Variants in ZNF131 observed in about 807,000 individuals in gnomAD.
ZNF131 encodes the protein zinc finger protein 131.
ZNF131 carries 7 observed loss-of-function variants against 60.0 expected under a neutral mutation model. The observed-to-expected ratio is 0.12, with a 90% CI of 0.07 to 0.22. The LOEUF is 0.22. ZNF131 is among the 10% of genes least tolerant of loss of function. The pLI is 1.00. For missense variants in ZNF131, 493 were observed against 740.9 expected (o/e 0.67, Z 3.88); for synonymous variants, 257 against 253.2 (o/e 1.01, Z -0.14).
chr5:43,146,915 A>G (rs962113190), intron 4 of ZNF131, among the ~76,000 whole-genome samples: 5 of 152,084 alleles, frequency 3.3e-5, no homozygotes, highest in Non-Finnish European at 5.9e-5. Flanking sequence ...ATATATATAT[A>G]TATGTATATA....
chr5:43,136,220 C>T (rs548136816), intron 3 of ZNF131, among the ~76,000 whole-genome samples: 8 of 152,302 alleles, frequency 5.3e-5, no homozygotes, highest in African/African-American at 1.9e-4. Flanking sequence ...ATTTGGGATG[C>T]TCAACCTGTG....
chr5:43,149,297 A>G (rs928239938), intron 4 of ZNF131, among the ~76,000 whole-genome samples: 1 of 151,798 alleles, frequency 6.6e-6, no homozygotes, highest in Admixed American at 6.6e-5. Context: ...GCTCACGCCT[A>G]TAATCTTGGC....
At chr5:43,144,263 T>G (rs1180588016) in intron 4 of ZNF131, among the ~76,000 whole-genome samples, 1 of 103,468 alleles carries the variant, frequency 9.7e-6, no homozygotes, top group East Asian at 2.3e-4. Flanking sequence ...TTTTTTTTTT[T>G]TTTTGGAGAC....
chr5:43,149,617 CTT>C (rs1014937210), intron 4 of ZNF131, among the ~76,000 whole-genome samples: 9 of 152,114 alleles, frequency 5.9e-5, no homozygotes, highest in Non-Finnish European at 8.8e-5. Context: ...CTGTCAGTCT[CTT>C]TTTCAAAAAT....
At chr5:43,142,765 C>T in intron 4 of ZNF131, among the ~76,000 whole-genome samples, 1 of 151,716 alleles carries the variant, frequency 6.6e-6, no homozygotes, top group Admixed American at 6.6e-5. Context: ...AATCTCAGCT[C>T]ACTGCAGCTT....
At chr5:43,144,237 C>CTTTTTTTTTTTT (rs935655531) in intron 4 of ZNF131, among the ~76,000 whole-genome samples, 1 of 65,296 alleles carries the variant, frequency 1.5e-5, no homozygotes, top group Non-Finnish European at 2.7e-5. Flanking sequence ...TTCTTTCTTT[C>CTTTTTTTTTTTT]TTTTTTTTTT....
chr5:43,168,401 T>A (rs1750613361), intron 5 of ZNF131, among the ~76,000 whole-genome samples: 1 of 152,126 alleles, frequency 6.6e-6, no homozygotes, highest in Non-Finnish European at 1.5e-5. Context: ...TGGATCACTG[T>A]TAATAGGGCA....
intron 3 of ZNF131, among the ~76,000 whole-genome samples, chr5:43,126,891 C>G (rs959424307): frequency 6.6e-6 from 1 of 152,092 alleles, no homozygotes; most frequent in Admixed American, 6.5e-5. Flanking sequence ...ATCATCTTTT[C>G]TAGTTCTCTA....
rs559730714 is a variant in ZNF131, at chr5:43,139,342, C to A, written c.371+33C>A. 20 of 1,546,934 alleles carry A rather than the reference C, an allele frequency of 1.3e-5. No individual in the cohort carries two copies. In the Admixed American group the frequency reaches 2.5e-4, roughly 20 times the overall value. Reference sequence around the variant, plus strand: ...ATTTCTTTAATGGGGTTCAGATAGTCATATTCAGTCATGTTCATTCTGTTA... The same window carrying A: ...ATTTCTTTAATGGGGTTCAGATAGTAATATTCAGTCATGTTCATTCTGTTA... On this transcript the variant is annotated intron_variant, in intron 4 of 6. Coordinates refer to ENST00000682664, the MANE Select transcript of ZNF131 (RefSeq NM_001330707.2).
intron 4 of ZNF131, among the ~76,000 whole-genome samples, chr5:43,155,193 G>T (rs541115622): frequency 6.6e-6 from 1 of 152,196 alleles, no homozygotes; most frequent in South Asian, 2.1e-4. Context: ...TGGCTGAGGG[G>T]GCCCACTACT....
intron 6 of ZNF131, among the ~76,000 whole-genome samples, 169 bp downstream of exon 6, chr5:43,173,617 C>G (rs1751255934): frequency 6.6e-6 from 1 of 151,756 alleles, no homozygotes; most frequent in Non-Finnish European, 1.5e-5. Context: ...TTTTTTTAAC[C>G]CAACCCTAGA....
chr5:43,164,976 G>C (rs1750171227), intron 5 of ZNF131, among the ~76,000 whole-genome samples: 1 of 152,026 alleles, frequency 6.6e-6, no homozygotes, highest in South Asian at 2.1e-4. Flanking sequence ...TTTGAAACAG[G>C]GTCTTGCTGT....
chr5:43,156,228 G>A (rs1193732001), intron 4 of ZNF131, among the ~76,000 whole-genome samples: 1 of 152,186 alleles, frequency 6.6e-6, no homozygotes, highest in East Asian at 1.9e-4. Context: ...AACCCCATCA[G>A]TTAAAAAATG....
intron 3 of ZNF131, among the ~76,000 whole-genome samples, chr5:43,129,456 T>A (rs1339780737): frequency 2.0e-5 from 3 of 152,148 alleles, no homozygotes; most frequent in African/African-American, 7.2e-5. Flanking sequence ...TATTCAAATC[T>A]TCTCGGAGGC....
At chr5:43,159,976 A>T (rs1292599719) in intron 4 of ZNF131, among the ~76,000 whole-genome samples, 1 of 152,082 alleles carries the variant, frequency 6.6e-6, no homozygotes, top group Non-Finnish European at 1.5e-5. Flanking sequence ...GGAAATCGAG[A>T]CCATCCTGGC....
At chr5:43,172,823 C>A (rs1751170511) in intron 5 of ZNF131, among the ~76,000 whole-genome samples, 1 of 151,998 alleles carries the variant, frequency 6.6e-6, no homozygotes, top group East Asian at 1.9e-4. Flanking sequence ...TGTGACAGAT[C>A]TTTTATAGTG....
intron 4 of ZNF131, among the ~76,000 whole-genome samples, chr5:43,154,759 C>T (rs1315307257): frequency 6.6e-6 from 1 of 152,194 alleles, no homozygotes; most frequent in Non-Finnish European, 1.5e-5. Context: ...CAGTTGGTCT[C>T]ATTAGAGAAT....
intron 5 of ZNF131, among the ~76,000 whole-genome samples, chr5:43,169,246 TAAG>T (rs1475428646): frequency 2.0e-5 from 3 of 152,304 alleles, no homozygotes; most frequent in Admixed American, 6.5e-5. Context: ...TTGTGACAAA[TAAG>T]AAAATGATGA....
intron 5 of ZNF131, among the ~76,000 whole-genome samples, chr5:43,172,933 CCTAGCACATGGT>C (rs1242941866): frequency 2.6e-5 from 4 of 152,142 alleles, no homozygotes; most frequent in African/African-American, 7.2e-5. Context: ...ACCTTCATCA[CCTAGCACATGGT>C]CTAGCACATG....
Sources: allele counts gnomAD v4.1 joint callset (sites outside exome capture counted in the v4.1 genomes callset), GRCh38; gene constraint gnomAD v4.1.1; transcripts MANE v1.5; gene names NCBI Gene and HGNC (gene_info 2026-07-23, HGNC 2026-07-21).